The following DCDC2 variants were observed in gnomAD, a reference collection of about 807,000 sequenced individuals.
DCDC2 encodes doublecortin domain containing 2, also known as doublecortin domain-containing protein 2.
DCDC2 carries 40 observed loss-of-function variants against 50.2 expected under a neutral mutation model. The observed-to-expected ratio is 0.80, with a 90% CI of 0.62 to 1.04. The LOEUF (loss-of-function observed/expected upper bound fraction) is 1.04. DCDC2 is among the 50% of genes least tolerant of loss of function. The probability of loss-of-function intolerance (pLI) is 0.00; values close to 1 mark genes in which losing one functional copy is unlikely to be tolerated. For synonymous variants in DCDC2, 234 were observed against 210.6 expected, an observed-to-expected ratio of 1.11 and a Z score of -0.96; for missense variants, 570 against 581.9, an observed-to-expected ratio of 0.98 and a Z score of 0.21.
chr6:24,278,968 C>T lies in DCDC2; in HGVS notation c.760-757G>A, dbSNP rs974954795. 1.1e-4 allele frequency among the ~76,000 whole-genome samples: 17 copies of T among 152,260 alleles called. No homozygotes were observed. The East Asian group carries it at 3.1e-3, about 28-fold the overall frequency. ...TGAGGGAGCTGCGCAGCTGCTTGCC[C>T]CTACTCCCACAAGGCAGCCTGGGTG... On this transcript the variant is annotated intron_variant, in intron 6 of 9. Coordinates refer to ENST00000378454, the MANE Select transcript of DCDC2 (RefSeq NM_016356.5).
chr6:24,208,673 C>G (rs185755464), intron 7 of DCDC2, among the ~76,000 whole-genome samples: 3 of 152,106 alleles, frequency 2.0e-5, no homozygotes, highest in Admixed American at 6.6e-5. Flanking sequence ...CTCAGCCCCT[C>G]TGCACTACTT....
intron 7 of DCDC2, among the ~76,000 whole-genome samples, chr6:24,230,866 A>C (rs1355941453): frequency 6.6e-6 from 1 of 152,226 alleles, no homozygotes; most frequent in African/African-American, 2.4e-5. Context: ...CCTTTTAAAA[A>C]TTATCTTCTA....
chr6:24,320,958 T>TAA lies in DCDC2; in HGVS notation c.349-18916_349-18915dup, dbSNP rs1223162798. Reference sequence around the variant, plus strand: ...CTGGAAAGTAATTAAATAAAAAAATTAAAAAAAAAAAAAAAACAGCAGGGC... The same window carrying TAA: ...CTGGAAAGTAATTAAATAAAAAAATTAAAAAAAAAAAAAAAAAACAGCAGGGC... On this transcript the variant is annotated intron_variant, in intron 2 of 9. Transcript: ENST00000378454. Among the ~76,000 whole-genome samples the TAA allele has an allele frequency of 2.7e-5, 4 of 147,674 alleles. No individual in the cohort carries two copies. The East Asian group carries it at 6.0e-4, about 22-fold the overall frequency.
chr6:24,379,874 G>T, the DCDC2 span, among the ~76,000 whole-genome samples: 1,103 of 152,214 alleles, frequency 7.2e-3, 12 homozygotes, highest in African/African-American at 0.025. Context: ...AAAATGATGA[G>T]TTCATGTCCT....
intron 7 of DCDC2, among the ~76,000 whole-genome samples, chr6:24,208,107 C>T (rs1349633963): frequency 6.6e-6 from 1 of 152,100 alleles, no homozygotes; most frequent in African/African-American, 2.4e-5. Flanking sequence ...TCAAATGGAG[C>T]GATTTCAGTC....
At chr6:24,195,098 G>A (rs1343646591) in intron 8 of DCDC2, among the ~76,000 whole-genome samples, 1 of 152,090 alleles carries the variant, frequency 6.6e-6, no homozygotes, top group African/African-American at 2.4e-5. Context: ...ATGGTACCAG[G>A]AGAGGCTATC....
chr6:24,331,296 T>A (rs1275933110), intron 2 of DCDC2, among the ~76,000 whole-genome samples: 1 of 137,284 alleles, frequency 7.3e-6, no homozygotes, highest in African/African-American at 3.1e-5. Context: ...TGTCTATATA[T>A]ACCTTTTTTT....
intron 2 of DCDC2, among the ~76,000 whole-genome samples, chr6:24,330,591 T>C (rs1759947831): frequency 6.6e-6 from 1 of 152,214 alleles, no homozygotes; most frequent in African/African-American, 2.4e-5. Context: ...GCTTTGCTAG[T>C]GTGCAAGGCA....
Position 24,358,053 on chromosome 6 carries a change from A to T in DCDC2, c.-303T>A. The T allele has an allele frequency of 3.8e-6, 4 of 1,064,728 alleles. No homozygotes were observed. The highest frequency in any genetic ancestry group is 5.3e-6 in the Non-Finnish European group (4 of 757,088). The allele number at this position is 1,064,728 out of a possible 1,614,324, so 66.0% of individuals were successfully genotyped here. The stretch of plus-strand genomic sequence containing the variant: ...TGCTACGGGCAGAATCAAGGTGGAC[A>T]GCTTCTGAGCAGGAGCCGGAAACGC... On this transcript the variant is annotated 5_prime_UTR_variant, in exon 1 of 10. Transcript: ENST00000378454.
At chr6:24,283,484 T>C (rs533348827) in intron 6 of DCDC2, among the ~76,000 whole-genome samples, 1 of 152,072 alleles carries the variant, frequency 6.6e-6, no homozygotes, top group African/African-American at 2.4e-5. Flanking sequence ...CTCCCTTCTA[T>C]ATGCAAAAGA....
In DCDC2 at chr6:24,218,723, G is replaced by A. The variant is rs183382916; in HGVS notation, c.923-13621C>T. On this transcript the variant is annotated intron_variant, in intron 7 of 9. Coordinates refer to ENST00000378454, the MANE Select transcript of DCDC2 (RefSeq NM_016356.5). ...AGGCTGGTCCTGAACTCCTGGGCTC[G>A]AGTAATCTGCTTACCTCAACCTCCC... 3.3e-5 allele frequency among the ~76,000 whole-genome samples: 5 copies of A among 152,206 alleles called. No individual in the cohort carries two copies. In the East Asian group the frequency reaches 7.7e-4, roughly 23 times the overall value.
At position 24,178,201 on chromosome 6, in the gene DCDC2, G is replaced by T. The variant is rs1760968447; in HGVS notation, c.1326+129C>A. ...TAAGTAAAGGGATTAAATGGTATTG[G>T]ATCTTTCCTACTCAACCACAAGTGG... On this transcript the variant is annotated intron_variant, in intron 9 of 9. Coordinates refer to ENST00000378454, the MANE Select transcript of DCDC2 (RefSeq NM_016356.5). 1.0e-5 allele frequency: 9 copies of T among 895,000 alleles called. No individual in the cohort carries two copies. The East Asian group carries it at 1.7e-4, about 17-fold the overall frequency. The allele number at this position is 895,000 out of a possible 1,614,324, so 55.4% of individuals were successfully genotyped here.
chr6:24,216,550 T>C (rs1000042914), intron 7 of DCDC2, among the ~76,000 whole-genome samples: 5 of 152,178 alleles, frequency 3.3e-5, no homozygotes, highest in African/African-American at 9.7e-5. Flanking sequence ...TCTTTCAAGA[T>C]GATTGGCTGT....
chr6:24,378,203 T>C, the DCDC2 span, among the ~76,000 whole-genome samples: 1 of 152,214 alleles, frequency 6.6e-6, no homozygotes, highest in Non-Finnish European at 1.5e-5. Flanking sequence ...AGTGCCTCAC[T>C]ACCTGAAATA....
At chr6:24,177,798 T>C (rs1486926984) in intron 9 of DCDC2, among the ~76,000 whole-genome samples, 1 of 152,212 alleles carries the variant, frequency 6.6e-6, no homozygotes, top group Non-Finnish European at 1.5e-5. Context: ...TAGAACTGTA[T>C]ACTACCCAAG....
intron 7 of DCDC2, among the ~76,000 whole-genome samples, chr6:24,238,898 C>T (rs1762508394): frequency 1.3e-5 from 2 of 152,168 alleles, no homozygotes; most frequent in South Asian, 2.1e-4. Context: ...CCTGTGAGAA[C>T]ATGAGCTGCC....
chr6:24,361,444 A>AC (rs1327295860), upstream of DCDC2, among the ~76,000 whole-genome samples: 3 of 151,840 alleles, frequency 2.0e-5, no homozygotes, highest in Non-Finnish European at 4.4e-5. Flanking sequence ...AAAAAAAAAA[A>AC]GTTAACAAAT....
At position 24,239,504 on chromosome 6, in the gene DCDC2, CT is replaced by C. The variant is rs531082989; in HGVS notation, c.923-34403del. Among the ~76,000 whole-genome samples the C allele has an allele frequency of 8.5e-5, 13 of 152,334 alleles. No individual in the cohort carries two copies. In the South Asian group the frequency reaches 2.5e-3, roughly 29 times the overall value. On this transcript the variant is annotated intron_variant, in intron 7 of 9. Coordinates refer to ENST00000378454, the MANE Select transcript of DCDC2 (RefSeq NM_016356.5). Reference sequence around the variant, plus strand: ...TTTCTTCTGGTAACAAGCACTGCCCCTGTAACACCGAGGCAGGCATGTGACC... The same window carrying C: ...TTTCTTCTGGTAACAAGCACTGCCCCGTAACACCGAGGCAGGCATGTGACC...
At chr6:24,319,552 G>A (rs180696071) in intron 2 of DCDC2, among the ~76,000 whole-genome samples, 3 of 152,018 alleles carry the variant, frequency 2.0e-5, no homozygotes, top group East Asian at 3.9e-4. Flanking sequence ...TCTTAGTCAC[G>A]AATTCTTTGC....
Sources: allele counts gnomAD v4.1 joint callset (sites outside exome capture counted in the v4.1 genomes callset), GRCh38; gene constraint gnomAD v4.1.1; transcripts MANE v1.5; gene names NCBI Gene and HGNC (gene_info 2026-07-23, HGNC 2026-07-21).